PARD3B: variants seen among roughly 807,000 people sequenced by gnomAD.
PARD3B encodes the protein par-3 family cell polarity regulator beta.
PARD3B carries 103 observed loss-of-function variants against 130.2 expected under a neutral mutation model. The ratio of observed to expected loss-of-function variants is 0.79; its 90% CI spans 0.67 to 0.93. PARD3B has a LOEUF of 0.93. Among genes scored for constraint, PARD3B ranks in the 40% least tolerant of loss-of-function variants. The pLI, the probability that PARD3B is intolerant of heterozygous loss-of-function variation, is 0.00. For missense variants in PARD3B, 1,609 were observed against 1,499.2 expected (o/e 1.07, Z -1.21); for synonymous variants, 583 against 553.2 (o/e 1.05, Z -0.76).
At position 205,183,380 on chromosome 2, in the gene PARD3B, A is replaced by T. The variant is rs2035901509; in HGVS notation, c.1925-2384A>T. On this transcript the variant is annotated intron_variant, in intron 13 of 22. Coordinates refer to ENST00000406610, the MANE Select transcript of PARD3B (RefSeq NM_001302769.2). The surrounding 1 kb of genome is among the most constrained non-coding windows in gnomAD (Gnocchi z 5.2). ...TGGACTGAGAGGTTGAGGATAGAAGATGAGAGCCAACAGAAAGGAAGTTGT... is the reference window on the plus strand; with the variant it reads ...TGGACTGAGAGGTTGAGGATAGAAGTTGAGAGCCAACAGAAAGGAAGTTGT... Among the ~76,000 whole-genome samples, 1 of 152,068 alleles carries T rather than the reference A, an allele frequency of 6.6e-6. No homozygotes were observed. The highest frequency in any genetic ancestry group is 1.5e-5 in the Non-Finnish European group (1 of 68,004).
intron 2 of PARD3B, among the ~76,000 whole-genome samples, chr2:204,837,089 A>G (rs2125579871): frequency 6.6e-6 from 1 of 152,264 alleles, no homozygotes; most frequent in Non-Finnish European, 1.5e-5. Context: ...ATTAACATCC[A>G]GTGGGGTATG....
chr2:204,738,260 A>G (rs922978947), intron 2 of PARD3B, among the ~76,000 whole-genome samples: 1 of 152,104 alleles, frequency 6.6e-6, no homozygotes, highest in African/African-American at 2.4e-5. Flanking sequence ...AGTGTTTTGT[A>G]GTTCTCCTTG....
intron 4 of PARD3B, among the ~76,000 whole-genome samples, chr2:205,103,981 G>A (rs748053244): frequency 1.3e-5 from 2 of 152,152 alleles, no homozygotes; most frequent in Non-Finnish European, 2.9e-5. Flanking sequence ...TTTGACAGAG[G>A]TGACTTTGCC....
chr2:204,974,205 G>T (rs1482345556), intron 3 of PARD3B, among the ~76,000 whole-genome samples: 2 of 152,132 alleles, frequency 1.3e-5, no homozygotes, highest in Non-Finnish European at 2.9e-5. Context: ...ACTTTGGGGG[G>T]TTTTGGTGTG....
chr2:204,777,993 T>G (rs1392348620), intron 2 of PARD3B, among the ~76,000 whole-genome samples: 4 of 152,098 alleles, frequency 2.6e-5, no homozygotes, highest in Admixed American at 2.6e-4. Flanking sequence ...GTGAAGAGGC[T>G]GTCTACTTCC....
chr2:205,493,759 T>TTTAG (rs1167529137), intron 20 of PARD3B, among the ~76,000 whole-genome samples: 38 of 149,398 alleles, frequency 2.5e-4, no homozygotes, highest in African/African-American at 7.9e-4. Flanking sequence ...TATTTATTTA[T>TTTAG]TTATTTATTT....
intron 3 of PARD3B, among the ~76,000 whole-genome samples, chr2:205,010,113 C>G (rs1407207134): frequency 6.6e-6 from 1 of 152,060 alleles, no homozygotes; most frequent in Non-Finnish European, 1.5e-5. Flanking sequence ...ATACTGTTAA[C>G]AAGCTGAAAA....
At chr2:204,641,018 G>A (rs1033476369) in intron 1 of PARD3B, among the ~76,000 whole-genome samples, 11 of 147,244 alleles carry the variant, frequency 7.5e-5, no homozygotes, top group Non-Finnish European at 1.5e-4. Flanking sequence ...ATGAAAGTAT[G>A]TATATATTTA....
intron 18 of PARD3B, among the ~76,000 whole-genome samples, chr2:205,305,962 G>A (rs1209622634): frequency 1.3e-5 from 2 of 152,136 alleles, no homozygotes; most frequent in Non-Finnish European, 2.9e-5. Context: ...GGTTGCGGGT[G>A]GAATTAAGGT....
At chr2:204,862,996 C>T (rs553956515) in intron 2 of PARD3B, among the ~76,000 whole-genome samples, 3 of 152,282 alleles carry the variant, frequency 2.0e-5, no homozygotes, top group African/African-American at 7.2e-5. Context: ...GAGGCTCCAC[C>T]CCGTCCTCCC....
At chr2:204,793,949 T>C (rs1403447257) in intron 2 of PARD3B, among the ~76,000 whole-genome samples, 1 of 152,190 alleles carries the variant, frequency 6.6e-6, no homozygotes, top group Non-Finnish European at 1.5e-5. Context: ...TTACAAATCA[T>C]AACTTTTTTT....
chr2:204,845,316 T>G (rs2044415286), intron 2 of PARD3B, among the ~76,000 whole-genome samples: 1 of 152,208 alleles, frequency 6.6e-6, no homozygotes, highest in Non-Finnish European at 1.5e-5. Context: ...GATTTAACTT[T>G]CTGCTTTGAA....
intron 18 of PARD3B, among the ~76,000 whole-genome samples, chr2:205,399,067 A>G (rs2046143253): frequency 6.6e-6 from 1 of 151,958 alleles, no homozygotes; most frequent in Middle Eastern, 3.2e-3. Context: ...TCAGGAGTTC[A>G]AGACCAGCCT....
chr2:205,017,684 C>A (rs1214045026), intron 3 of PARD3B, among the ~76,000 whole-genome samples: 1 of 152,114 alleles, frequency 6.6e-6, no homozygotes, highest in Non-Finnish European at 1.5e-5. Context: ...TCACCCATGT[C>A]AATGACTTGC....
chr2:205,057,551 A>G (rs56339643), intron 4 of PARD3B, among the ~76,000 whole-genome samples: 65,042 of 127,156 alleles, frequency 0.51, 18,296 homozygotes, highest in Admixed American at 0.59. Context: ...ATATGTGTAT[A>G]TGTATATATA....
At chr2:204,680,649 A>G (rs948535696) in intron 1 of PARD3B, among the ~76,000 whole-genome samples, 10 of 152,000 alleles carry the variant, frequency 6.6e-5, no homozygotes, top group Non-Finnish European at 1.3e-4. Context: ...ATTAAAGACC[A>G]TAACTGACAC....
chr2:204,815,629 T>C (rs902701081), intron 2 of PARD3B, among the ~76,000 whole-genome samples: 2 of 152,032 alleles, frequency 1.3e-5, no homozygotes, highest in Non-Finnish European at 2.9e-5. Context: ...ACCTTTCCTC[T>C]TATCTAATAT....
At chr2:205,377,185 G>A (rs1284732905) in intron 18 of PARD3B, among the ~76,000 whole-genome samples, 1 of 152,156 alleles carries the variant, frequency 6.6e-6, no homozygotes, top group Non-Finnish European at 1.5e-5. Flanking sequence ...AAAGGATTTA[G>A]TGAAAGGAAA....
rs189351760 is a variant in PARD3B, at chr2:205,276,470, T to C, written c.2186-24060T>C. Among the ~76,000 whole-genome samples the C allele has an allele frequency of 1.4e-3, 211 of 152,278 alleles. 5 individuals are homozygous for C. The highest frequency in any genetic ancestry group is 0.014 in the Admixed American group (210 of 15,296). ...TGAAAAGCTTCACCAAGAAAATGCTTTCTGAAAGAATTTAAAAGAAGACAA... is the reference window on the plus strand; with the variant it reads ...TGAAAAGCTTCACCAAGAAAATGCTCTCTGAAAGAATTTAAAAGAAGACAA... On this transcript the variant is annotated intron_variant, in intron 16 of 22. Transcript: ENST00000406610. The surrounding 1 kb of genome is among the most constrained non-coding windows in gnomAD (Gnocchi z 5.0).
Sources: gnomAD v4.1 joint callset for allele counts (sites outside exome capture counted in the v4.1 genomes callset) on GRCh38, gnomAD v4.1.1 for gene constraint, Gnocchi (gnomAD v3.1) non-coding constraint, MANE v1.5 for transcripts, NCBI Gene and HGNC (gene_info 2026-07-23, HGNC 2026-07-21) for gene names.